EPN1: variants seen among roughly 807,000 people sequenced by gnomAD.
EPN1 encodes the protein epsin-1.
In EPN1, 25 loss-of-function variants were observed where a neutral mutation model predicts 56.9. The observed-to-expected ratio is 0.44, with a 90% CI of 0.32 to 0.61. The LOEUF (loss-of-function observed/expected upper bound fraction) is 0.61, where lower values mean the gene tolerates loss of function less well. Among genes scored for constraint, EPN1 ranks in the 20% least tolerant of loss-of-function variants. EPN1 has a pLI of 0.05. For synonymous variants in EPN1, 411 were observed against 361.8 expected, an observed-to-expected ratio of 1.14 and a Z score of -1.54; for missense variants, 785 against 823.7, an observed-to-expected ratio of 0.95 and a Z score of 0.58.
At position 55,691,804 on chromosome 19, in the gene EPN1, G is replaced by A. The variant is rs201726133; in HGVS notation, c.813G>A (p.Pro271=). 5.1e-5 allele frequency: 82 copies of A among 1,611,882 alleles called. No homozygotes were observed. Among genetic ancestry groups the A allele is most frequent in the Middle Eastern group, 3.3e-4 (2 of 6,076 alleles). Residue 271 remains proline (P), a synonymous_variant, in exon 7 of 11, where the codon CCG becomes CCA. Transcript: ENST00000270460. This position sits in a 1 kb window ranked among gnomAD's most constrained non-coding sequence, Gnocchi z 5.6. The part of the protein sequence containing the change: ...ADVFTAPAPA[P]TTDPWGGPAP... ...TCTTCACGGCCCCAGCTCCTGCCCC[G>A]ACCACAGACCCCTGGGGGGGCCCAG...
At chr19:55,693,963 C>A (rs1354055859) in intron 9 of EPN1, among the ~76,000 whole-genome samples, 3 of 152,066 alleles carry the variant, frequency 2.0e-5, no homozygotes, top group African/African-American at 7.2e-5. Flanking sequence ...CGCCTGTAAT[C>A]CCAGCACTTT....
In EPN1 at chr19:55,694,828, C is replaced by T. The variant is rs572398890; in HGVS notation, c.1367C>T (p.Pro456Leu). The T allele has an allele frequency of 6.2e-7, 1 of 1,609,498 alleles. No homozygotes were observed. Among genetic ancestry groups the T allele is most frequent in the African/African-American group, 1.3e-5 (1 of 74,970 alleles). ...GSLAEAVGSP[P>L]PAATPTPTPP... ...CTGGCTGAGGCTGTGGGCAGCCCCC[C>T]ACCTGCAGCCACACCAACTCCCACG... is the stretch of plus-strand genomic sequence containing the variant. Residue 456 changes from proline to leucine, a missense_variant, in exon 10 of 11, where the codon CCA becomes CTA. Pro to Leu is a moderately conservative substitution (Grantham distance 98). This residue lies in a region of EPN1 where 650 missense variants were observed against 605.0 expected (regional missense o/e 1.07). Transcript: ENST00000270460. The surrounding 1 kb of genome is among the most constrained non-coding windows in gnomAD (Gnocchi z 4.2).
At chr19:55,685,309 C>T (rs866895362) in intron 2 of EPN1, 87 bp from the exon 3 acceptor site, 118 of 1,509,680 alleles carry the variant, frequency 7.8e-5, no homozygotes, top group African/African-American at 4.4e-4. Context: ...TGCGCCCAGT[C>T]GGCCGCCCCA....
intron 1 of EPN1, chr19:55,677,822 C>T (rs1470581183): frequency 1.4e-6 from 2 of 1,410,170 alleles, no homozygotes; most frequent in African/African-American, 2.9e-5. Context: ...ATTCCTGCCC[C>T]CTCTGCCCTT....
rs186988723 is a variant in EPN1 at position 55,705,305 on chromosome 19, C to G, written c.*9949C>G. ...TTTTGCCTACGGAAACACACAAAAA[C>G]GAAAACAAACCAATGAAAAAAACCT... On this transcript the variant is annotated 3_prime_UTR_variant, in exon 11 of 11. Coordinates refer to ENST00000270460, the MANE Select transcript of EPN1 (RefSeq NM_001130072.2). 1 of 152,064 alleles carries G rather than the reference C, an allele frequency of 6.6e-6. No homozygotes were observed. 9.4% of individuals were successfully genotyped at this position (152,064 alleles called of 1,614,324 possible). A position where few individuals can be genotyped will look rare whatever the true frequency, so the allele number is the denominator to read the frequency against.
Position 55,691,672 on chromosome 19 carries a change from C to G in EPN1, c.763-82C>G, listed in dbSNP as rs999838115. On this transcript the variant is annotated intron_variant, in intron 6 of 10. Coordinates refer to ENST00000270460, the MANE Select transcript of EPN1 (RefSeq NM_001130072.2). This position sits in a 1 kb window ranked among gnomAD's most constrained non-coding sequence, Gnocchi z 5.6. The stretch of plus-strand genomic sequence containing the variant: ...TGGACACCCAGGGCCTGGCCGCCTC[C>G]CCCGCCACGGGCCCCAGCTTGGTCC... The G allele has an allele frequency of 7.5e-7, 1 of 1,340,412 alleles. No individual in the cohort carries two copies. The highest frequency in any genetic ancestry group is 1.0e-6 in the Non-Finnish European group (1 of 957,772). The allele number at this position is 1,340,412 out of a possible 1,614,324, so 83.0% of individuals were successfully genotyped here.
rs368464892 is a variant in EPN1 at position 55,694,622 on chromosome 19, G to A, written c.1265-104G>A. The stretch of plus-strand genomic sequence containing the variant: ...AGTTCCTCCTTCCCGAGGCCTCTGG[G>A]CACCGGGCTCTTTGAAGCGCCCCCT... On this transcript the variant is annotated intron_variant, in intron 9 of 10. Transcript: ENST00000270460. This position sits in a 1 kb window ranked among gnomAD's most constrained non-coding sequence, Gnocchi z 4.2. 2 of 1,373,456 alleles carry A rather than the reference G, an allele frequency of 1.5e-6. No homozygotes were observed. Among genetic ancestry groups the A allele is most frequent in the Admixed American group, 2.8e-5 (1 of 36,274 alleles). The allele number at this position is 1,373,456 out of a possible 1,614,324, so 85.1% of individuals were successfully genotyped here. A position where few individuals can be genotyped will look rare whatever the true frequency, so the allele number is the denominator to read the frequency against.
intron 1 of EPN1, chr19:55,677,404 T>C: frequency 1.5e-6 from 1 of 655,540 alleles, no homozygotes; most frequent in South Asian, 1.9e-5. Context: ...TGCTTGACTC[T>C]CTTGTTTCTC....
chr19:55,690,595 C>T (rs1986478993), intron 6 of EPN1, among the ~76,000 whole-genome samples: 1 of 152,226 alleles, frequency 6.6e-6, no homozygotes, highest in African/African-American at 2.4e-5. Context: ...CCCCTGGCCT[C>T]TCCCTGGTTA....
rs1189145051 is a variant in EPN1, at chr19:55,695,031, C to T, written c.1522+48C>T. 4.5e-6 allele frequency: 7 copies of T among 1,569,076 alleles called. No homozygotes were observed. The highest frequency in any genetic ancestry group is 6.0e-6 in the Non-Finnish European group (7 of 1,158,058). On this transcript the variant is annotated intron_variant, in intron 10 of 10. Coordinates refer to ENST00000270460, the MANE Select transcript of EPN1 (RefSeq NM_001130072.2). The surrounding 1 kb of genome is among the most constrained non-coding windows in gnomAD (Gnocchi z 4.4). ...CTCAAGTCCTTCCTGTGGGTTCCAC[C>T]AGAGGAGGTGCCTCACGGGGCAGGG...
intron 9 of EPN1, 95 bp downstream of exon 9, chr19:55,693,132 AG>A: frequency 7.9e-7 from 1 of 1,261,852 alleles, no homozygotes; most frequent in Non-Finnish European, 1.1e-6. Context: ...CACTCCAGGC[AG>A]GGCCGGCTGG....
rs867880320 is a variant in EPN1, at chr19:55,708,037, G to A, written c.*12681G>A. 3.9e-5 allele frequency: 6 copies of A among 152,344 alleles called. No individual in the cohort carries two copies. The highest frequency in any genetic ancestry group is 7.3e-5 in the Non-Finnish European group (5 of 68,166). The allele number at this position is 152,344 out of a possible 1,614,324, so 9.4% of individuals were successfully genotyped here. On this transcript the variant is annotated 3_prime_UTR_variant, in exon 11 of 11. Transcript: ENST00000270460. ...AATTGCTTAAACATATGGAAAACCT[G>A]GAAGTAAAATTAAGCAAGTAAGTGC...
At position 55,695,226 on chromosome 19, in the gene EPN1, G is replaced by A. The variant is rs371891145; in HGVS notation, c.1601G>A (p.Arg534His). 30 of 1,613,064 alleles carry A rather than the reference G, an allele frequency of 1.9e-5. No individual in the cohort carries two copies. Among genetic ancestry groups the A allele is most frequent in the African/African-American group, 1.1e-4 (8 of 74,924 alleles). The change falls in exon 11 of 11, where the codon CGT (arginine) becomes CAT (histidine). Residue 534 changes from arginine to histidine, a missense_variant. Physicochemically the swap from Arg to His is conservative, Grantham distance 29. This residue lies in a region of EPN1 where 650 missense variants were observed against 605.0 expected (regional missense o/e 1.07). Transcript: ENST00000270460. This position sits in a 1 kb window ranked among gnomAD's most constrained non-coding sequence, Gnocchi z 4.4. ...GCGACGCTCACCCTGAACCAGCTCC[G>A]TCTCAGTCCTGTGCCTCCCGTCCCT... ...PPATLTLNQL[R>H]LSPVPPVPGA... is the part of the protein sequence containing the mutation.
chr19:55,689,886 G>A lies in EPN1; in HGVS notation c.698G>A (p.Gly233Glu), dbSNP rs1365534516. Reference sequence around the variant, plus strand: ...CAACAGGAGGAGCGGATCCGTCGCGGGGATGACCTGCGGCTGCAGATGGCA... The same window carrying A: ...CAACAGGAGGAGCGGATCCGTCGCGAGGATGACCTGCGGCTGCAGATGGCA... ...EHDKEERIRRGDDLRLQMAIE... is the reference protein window; with the variant it reads ...EHDKEERIRREDDLRLQMAIE... The change falls in exon 6 of 11, where the codon GGG becomes GAG. Residue 233 changes from glycine to glutamate, a missense_variant. Physicochemically the swap from Gly to Glu is moderately conservative, Grantham distance 98. Coordinates refer to ENST00000270460, the MANE Select transcript of EPN1 (RefSeq NM_001130072.2). This position sits in a 1 kb window ranked among gnomAD's most constrained non-coding sequence, Gnocchi z 5.7. 1 of 1,605,604 alleles carries A rather than the reference G, an allele frequency of 6.2e-7. No homozygotes were observed. The highest frequency in any genetic ancestry group is 1.3e-5 in the African/African-American group (1 of 74,952).
chr19:55,702,324 T>C lies in EPN1; in HGVS notation c.*6968T>C, dbSNP rs1987181333. 1 of 152,276 alleles carries C rather than the reference T, an allele frequency of 6.6e-6. No individual in the cohort carries two copies. The highest frequency in any genetic ancestry group is 2.4e-5 in the African/African-American group (1 of 41,462). 9.4% of individuals were successfully genotyped at this position (152,276 alleles called of 1,614,324 possible). On this transcript the variant is annotated 3_prime_UTR_variant, in exon 11 of 11. Coordinates refer to ENST00000270460, the MANE Select transcript of EPN1 (RefSeq NM_001130072.2). The stretch of plus-strand genomic sequence containing the variant: ...TTGTGCTGCTCTGCGCTGCTGCTTA[T>C]CTGTGTGTGCTAAAAGGGGAGGGAG...
intron 2 of EPN1, among the ~76,000 whole-genome samples, chr19:55,683,687 C>A (rs1433316474): frequency 1.3e-5 from 2 of 152,232 alleles, no homozygotes; most frequent in African/African-American, 4.8e-5. Context: ...TGTGGTAGTC[C>A]CGCTGTGTGA....
At position 55,689,901 on chromosome 19, in the gene EPN1, T is replaced by C. The variant is rs1986423130; in HGVS notation, c.713T>C (p.Leu238Pro). Residue 238 changes from leucine (L) to proline (P), a missense_variant, in exon 6 of 11, where the codon CTG (leucine) becomes CCG (proline). Around this residue, in one of 2 missense-constraint regions of EPN1, gnomAD observed 650 missense variants for 605.0 expected, o/e 1.07. Coordinates refer to ENST00000270460, the MANE Select transcript of EPN1 (RefSeq NM_001130072.2). This position sits in a 1 kb window ranked among gnomAD's most constrained non-coding sequence, Gnocchi z 5.7. ...ERIRRGDDLR[L>P]QMAIEESKRE... ...ATCCGTCGCGGGGATGACCTGCGGC[T>C]GCAGATGGCAATCGAGGAGAGCAAG... is the stretch of plus-strand genomic sequence containing the variant. 1 of 1,606,858 alleles carries C rather than the reference T, an allele frequency of 6.2e-7. No homozygotes were observed. The highest frequency in any genetic ancestry group is 8.5e-7 in the Non-Finnish European group (1 of 1,177,080).
chr19:55,688,909 C>T lies in EPN1; in HGVS notation c.518C>T (p.Ala173Val), dbSNP rs778374628. The change falls in exon 4 of 11, where the codon GCG becomes GTG. Residue 173 changes from alanine (A) to valine (V), a missense_variant. Ala to Val is a moderately conservative substitution (Grantham distance 64). Around this residue, in one of 2 missense-constraint regions of EPN1, gnomAD observed 650 missense variants for 605.0 expected, o/e 1.07. Coordinates refer to ENST00000270460, the MANE Select transcript of EPN1 (RefSeq NM_001130072.2). ...GTGGGCTCAGGCCCCCCTCCCGAGG[C>T]GGAGCAGGCGTGGCCGCAGAGCAGC... ...AAVGSGPPPEAEQAWPQSSGE... is the reference protein window; with the variant it reads ...AAVGSGPPPEVEQAWPQSSGE... The T allele has an allele frequency of 2.9e-5, 46 of 1,584,118 alleles. No homozygotes were observed. The highest frequency in any genetic ancestry group is 3.5e-5 in the South Asian group (3 of 86,674).
Position 55,698,073 on chromosome 19 carries a change from A to G in EPN1, c.*2717A>G, listed in dbSNP as rs570649428. ...TTCTTGCTGAAGGCAGGCCAGGGTGATCAGAGGTCACCTGGGGATGGTGGA... is the reference window on the plus strand; with the variant it reads ...TTCTTGCTGAAGGCAGGCCAGGGTGGTCAGAGGTCACCTGGGGATGGTGGA... On this transcript the variant is annotated 3_prime_UTR_variant, in exon 11 of 11. Transcript: ENST00000270460. 2.8e-5 allele frequency: 4 copies of G among 144,954 alleles called. No homozygotes were observed. The highest frequency in any genetic ancestry group is 6.0e-5 in the Non-Finnish European group (4 of 66,874). The allele number at this position is 144,954 out of a possible 1,614,324, so 9.0% of individuals were successfully genotyped here.
Sources: allele counts gnomAD v4.1 joint callset (sites outside exome capture counted in the v4.1 genomes callset), GRCh38; gene constraint gnomAD v4.1.1; regional missense constraint gnomAD v4.1.1; non-coding constraint Gnocchi (gnomAD v3.1); transcripts MANE v1.5; gene names NCBI Gene and HGNC (gene_info 2026-07-23, HGNC 2026-07-21).